Variants in RSPH14 observed in about 807,000 individuals in gnomAD.
The protein encoded by RSPH14 is rhabdoid tumor deletion region gene 1.
RSPH14 carries 20 observed loss-of-function variants against 26.7 expected under a neutral mutation model. That is an observed-to-expected ratio of 0.75 (90% CI 0.53 to 1.09). RSPH14 has a LOEUF of 1.09. Among genes scored for constraint, RSPH14 ranks in the 50% least tolerant of loss-of-function variants. RSPH14 has a pLI of 0.00. For synonymous variants in RSPH14, 177 were observed against 189.3 expected (o/e 0.93, Z 0.53); for missense variants, 449 against 457.2 (o/e 0.98, Z 0.16).
chr22:23,175,019 CAG>C, the RSPH14 span, among the ~76,000 whole-genome samples: 60 of 148,060 alleles, frequency 4.1e-4, 1 homozygote, highest in African/African-American at 1.5e-3. Flanking sequence ...TTTTTTCAGA[CAG>C]AGTCTCGCTC....
chr22:23,141,878 G>C (rs1005870493), intron 1 of RSPH14, 71 bp downstream of exon 1: 1 of 625,328 alleles, frequency 1.6e-6, no homozygotes, highest in Non-Finnish European at 2.0e-6. Context: ...ACACGGCCCC[G>C]TGTGAATGGG....
chr22:23,170,286 A>G, the RSPH14 span, among the ~76,000 whole-genome samples: 1 of 152,170 alleles, frequency 6.6e-6, no homozygotes, highest in Non-Finnish European at 1.5e-5. Flanking sequence ...TTTTTAGAAC[A>G]ACAGAAATTT....
At chr22:23,121,376 A>G (rs2070019957) in intron 4 of RSPH14, among the ~76,000 whole-genome samples, 1 of 152,170 alleles carries the variant, frequency 6.6e-6, no homozygotes, top group Admixed American at 6.5e-5. Flanking sequence ...CAGAGAACTC[A>G]GGGGCTCTGG....
At chr22:23,156,086 C>G in the RSPH14 span, 6 of 1,505,614 alleles carry the variant, frequency 4.0e-6, no homozygotes, top group Non-Finnish European at 3.6e-6. Flanking sequence ...GGGTCCCTGC[C>G]GGGCTCCACA....
At chr22:23,065,951 G>C (rs2068201663) in intron 4 of RSPH14, among the ~76,000 whole-genome samples, 1 of 152,122 alleles carries the variant, frequency 6.6e-6, no homozygotes, top group Non-Finnish European at 1.5e-5. Flanking sequence ...GCAGCTCCCT[G>C]CTTTGCCCAT....
the RSPH14 span, among the ~76,000 whole-genome samples, chr22:23,173,827 C>T: frequency 0.31 from 47,067 of 151,822 alleles, 7,606 homozygotes; most frequent in African/African-American, 0.39. Flanking sequence ...CTTGCCTCAG[C>T]CTCCTGAGTA....
At chr22:23,145,134 T>G (rs2070693341), upstream of RSPH14, 6 of 584,670 alleles carry the variant, frequency 1.0e-5, no homozygotes, top group African/African-American at 5.6e-5. Context: ...GGAGCTCTTA[T>G]GCCATAACCG....
In RSPH14 at chr22:23,095,314, C is replaced by T. The variant is rs1601791108; in HGVS notation, c.422-31181G>A. 1.2e-5 allele frequency: 3 copies of T among 250,422 alleles called. No individual in the cohort carries two copies. The East Asian group carries it at 3.1e-4, about 26-fold the overall frequency. 15.5% of individuals were successfully genotyped at this position (250,422 alleles called of 1,614,324 possible). A position where few individuals can be genotyped will look rare whatever the true frequency, so the allele number is the denominator to read the frequency against. ...GCAGGGAGCACACCAGCGACCGGCC[C>T]TCCAACCCTCCAGCCACTCAGCAAC... On this transcript the variant is annotated intron_variant, in intron 4 of 6. Coordinates refer to ENST00000216036, the MANE Select transcript of RSPH14 (RefSeq NM_014433.3).
At chr22:23,179,107 G>A in the RSPH14 span, among the ~76,000 whole-genome samples, 2 of 152,332 alleles carry the variant, frequency 1.3e-5, no homozygotes, top group Middle Eastern at 6.8e-3. Context: ...CCCAAGCAGG[G>A]CTGGCCTGGC....
chr22:23,157,946 G>GC, the RSPH14 span: 8 of 1,612,288 alleles, frequency 5.0e-6, no homozygotes, highest in African/African-American at 1.3e-5. Context: ...CCCCTTGCTC[G>GC]CCTCGCCTGG....
chr22:23,130,578 AAC>A (rs1206170027), intron 4 of RSPH14, among the ~76,000 whole-genome samples: 2 of 152,204 alleles, frequency 1.3e-5, no homozygotes, highest in African/African-American at 4.8e-5. Context: ...CCAGTGAATC[AAC>A]AAAGGCACAG....
chr22:23,169,117 T>C, the RSPH14 span, among the ~76,000 whole-genome samples: 23 of 152,336 alleles, frequency 1.5e-4, no homozygotes, highest in African/African-American at 5.5e-4. Context: ...GTGGAGTTCC[T>C]GAGGAGGGGC....
In RSPH14 at chr22:23,081,529, G is replaced by C. The variant is rs374845859; in HGVS notation, c.422-17396C>G. 1.1e-4 allele frequency among the ~76,000 whole-genome samples: 17 copies of C among 152,106 alleles called. 1 individual carries two copies. The East Asian group carries it at 2.9e-3, about 26-fold the overall frequency. ...TATGTTATAGGCCAATCAGGTTATA[G>C]GCCAATATGTTATAGGCCAATCAGG... On this transcript the variant is annotated intron_variant, in intron 4 of 6. Transcript: ENST00000216036.
At chr22:23,158,774 G>A in the RSPH14 span, 2 of 832,176 alleles carry the variant, frequency 2.4e-6, no homozygotes, top group Non-Finnish European at 4.0e-6. Flanking sequence ...GTGTGGGCCA[G>A]GAAGCCCTCC....
At chr22:23,155,607 C>A in the RSPH14 span, among the ~76,000 whole-genome samples, 1 of 152,226 alleles carries the variant, frequency 6.6e-6, no homozygotes, top group African/African-American at 2.4e-5. Context: ...ATTCACAGAG[C>A]CTTCTCTACA....
At position 23,101,120 on chromosome 22, in the gene RSPH14, G is replaced by A. The variant is rs149392827; in HGVS notation, c.421+32906C>T. 7.0e-4 allele frequency among the ~76,000 whole-genome samples: 106 copies of A among 152,302 alleles called. 1 individual carries two copies. The Middle Eastern group carries it at 0.02, about 29-fold the overall frequency. On this transcript the variant is annotated intron_variant, in intron 4 of 6. Transcript: ENST00000216036. ...AAATGGGCAATAGCCAGACACAGAT[G>A]ATACCCTCTCCCCAGCATACCAGGG...
intron 4 of RSPH14, among the ~76,000 whole-genome samples, chr22:23,092,418 G>A (rs1427781236): frequency 6.6e-6 from 1 of 152,088 alleles, no homozygotes; most frequent in Non-Finnish European, 1.5e-5. Context: ...GCCCCACAGA[G>A]CCGCAGGGAG....
the RSPH14 span, among the ~76,000 whole-genome samples, chr22:23,160,710 T>C: frequency 1.1e-4 from 16 of 152,098 alleles, no homozygotes; most frequent in African/African-American, 3.6e-4. Flanking sequence ...CTGTGCTGCC[T>C]GTGTGAGTGG....
chr22:23,179,186 AGGAG>A, the RSPH14 span, among the ~76,000 whole-genome samples: 1 of 152,116 alleles, frequency 6.6e-6, no homozygotes, highest in Non-Finnish European at 1.5e-5. Flanking sequence ...TGGCATTGGG[AGGAG>A]GGCATGATAA....
Sources: allele counts gnomAD v4.1 joint callset (sites outside exome capture counted in the v4.1 genomes callset), GRCh38; gene constraint gnomAD v4.1.1; transcripts MANE v1.5; gene names NCBI Gene and HGNC (gene_info 2026-07-23, HGNC 2026-07-21).